Variants in APC observed in about 807,000 individuals in gnomAD.
The protein encoded by APC is APC regulator of Wnt signaling pathway.
Under a neutral mutation model 247.0 loss-of-function variants are expected in APC, and 72 were observed. The ratio of observed to expected loss-of-function variants is 0.29; its 90% CI spans 0.24 to 0.35. APC has a LOEUF of 0.35. APC is among the 10% of genes least tolerant of loss of function. The probability of loss-of-function intolerance (pLI) is 1.00; values close to 1 mark genes in which losing one functional copy is unlikely to be tolerated. For missense variants in APC, 3,400 were observed against 3,360.7 expected (o/e 1.01, Z -0.29); for synonymous variants, 1,254 against 1,162.5 (o/e 1.08, Z -1.60).
chr5:112,838,041 C>T lies in APC; in HGVS notation c.2447C>T (p.Thr816Ile), dbSNP rs1410017491. The T allele has an allele frequency of 6.2e-7, 1 of 1,614,154 alleles. No homozygotes were observed. Among genetic ancestry groups the T allele is most frequent in the South Asian group, 1.1e-5 (1 of 91,078 alleles). The change falls in exon 16 of 16, where the codon ACT (threonine) becomes ATT (isoleucine). Residue 816 changes from threonine to isoleucine, a missense_variant. Physicochemically the swap from Thr to Ile is moderately conservative, Grantham distance 89 (BLOSUM62 -1). Transcript: ENST00000257430. ...HDDNRSDNFNTGNMTVLSPYL... is the reference protein window; with the variant it reads ...HDDNRSDNFNIGNMTVLSPYL... ...GATAATAGGTCAGACAATTTTAATA[C>T]TGGCAACATGACTGTCCTTTCACCA...
At chr5:112,753,774 T>C (rs1217862025) in intron 1 of APC, among the ~76,000 whole-genome samples, 2 of 152,186 alleles carry the variant, frequency 1.3e-5, no homozygotes, top group Non-Finnish European at 2.9e-5. Flanking sequence ...ACAACCTGTC[T>C]GCCTTATTTT....
chr5:112,767,110 TTAAAA>T, intron 3 of APC, 74 bp from the exon 4 acceptor site: 2 of 1,222,542 alleles, frequency 1.6e-6, no homozygotes, highest in Non-Finnish European at 2.4e-6. Context: ...ATATTTCACT[TTAAAA>T]TAATATAACA....
chr5:112,783,426 A>G (rs1327469173), intron 6 of APC, among the ~76,000 whole-genome samples: 1 of 152,132 alleles, frequency 6.6e-6, no homozygotes, highest in Non-Finnish European at 1.5e-5. Flanking sequence ...AAGGCAAATA[A>G]TGGAAATGTT....
chr5:112,744,220 A>G (rs1381639688), intron 1 of APC, among the ~76,000 whole-genome samples: 2 of 152,160 alleles, frequency 1.3e-5, no homozygotes, highest in Non-Finnish European at 2.9e-5. Context: ...ATAATAAGAT[A>G]CCTAAATATG....
At chr5:112,820,210 C>CACAA in intron 10 of APC, among the ~76,000 whole-genome samples, 2 of 152,054 alleles carry the variant, frequency 1.3e-5, no homozygotes. Flanking sequence ...CACACACACA[C>CACAA]ACACACGTGC....
chr5:112,789,766 T>C (rs1191343566), intron 6 of APC, among the ~76,000 whole-genome samples: 1 of 152,348 alleles, frequency 6.6e-6, no homozygotes, highest in East Asian at 1.9e-4. Context: ...ATCTTTGCAA[T>C]ATCTTTAGAA....
intron 9 of APC, 97 bp from the exon 10 acceptor site, chr5:112,818,869 T>TTTGAGTTATAG: frequency 1.5e-6 from 2 of 1,376,290 alleles, no homozygotes; most frequent in East Asian, 2.3e-5. Context: ...TTTTGTTTTT[T>TTTGAGTTATAG]TAGAGTTATA....
chr5:112,792,171 G>A (rs1238885484), intron 6 of APC, among the ~76,000 whole-genome samples: 3 of 152,054 alleles, frequency 2.0e-5, no homozygotes, highest in South Asian at 2.1e-4. Context: ...ACTTGAACCC[G>A]GAAGGCGGAG....
intron 1 of APC, among the ~76,000 whole-genome samples, chr5:112,742,081 C>T (rs1315479139): frequency 2.0e-5 from 3 of 152,116 alleles, no homozygotes; most frequent in Non-Finnish European, 2.9e-5. Context: ...CTACTATGAA[C>T]GTGGGTGTGC....
intron 2 of APC, among the ~76,000 whole-genome samples, chr5:112,758,893 G>A (rs968381955): frequency 1.1e-4 from 16 of 152,114 alleles, no homozygotes; most frequent in South Asian, 2.1e-4. Flanking sequence ...ATGAGTCACC[G>A]CACCCAGCCT....
chr5:112,820,777 C>G (rs1763035743), intron 10 of APC, among the ~76,000 whole-genome samples: 4 of 152,140 alleles, frequency 2.6e-5, no homozygotes, highest in Admixed American at 2.0e-4. Flanking sequence ...TCTTAGTCAC[C>G]CTTTTAAAAA....
In APC at chr5:112,842,243, C is replaced by G. The variant is rs876660653; in HGVS notation, c.6649C>G (p.Leu2217Val). ...SEISGQMKQP[L>V]QANMPSISRG... ...AATTTCAGGCCAAATGAAACAGCCCCTTCAAGCAAACATGCCTTCAATCTC... is the reference window on the plus strand; with the variant it reads ...AATTTCAGGCCAAATGAAACAGCCCGTTCAAGCAAACATGCCTTCAATCTC... Residue 2217 changes from leucine to valine, a missense_variant, in exon 16 of 16, where the codon CTT becomes GTT. Leu to Val is a conservative substitution (Grantham distance 32). Transcript: ENST00000257430. 1.2e-6 allele frequency: 2 copies of G among 1,614,040 alleles called. No homozygotes were observed. The highest frequency in any genetic ancestry group is 1.1e-5 in the South Asian group (1 of 91,076).
At chr5:112,718,465 G>C (rs1018216773) in intron 1 of APC, among the ~76,000 whole-genome samples, 3 of 152,154 alleles carry the variant, frequency 2.0e-5, no homozygotes, top group Non-Finnish European at 4.4e-5. Flanking sequence ...GCCCTTTAGG[G>C]TCTCAGCCGG....
intron 1 of APC, among the ~76,000 whole-genome samples, chr5:112,723,502 C>CAT (rs1751600865): frequency 1.3e-5 from 2 of 151,856 alleles, no homozygotes; most frequent in South Asian, 2.1e-4. Context: ...TGGATGAAAA[C>CAT]ATATATATAT....
At chr5:112,789,857 A>ATT (rs71626674) in intron 6 of APC, among the ~76,000 whole-genome samples, 35 of 147,356 alleles carry the variant, frequency 2.4e-4, no homozygotes, top group South Asian at 8.6e-4. Context: ...CTTAAAGAAT[A>ATT]TTTTTTTTTT....
At chr5:112,764,337 T>G (rs1165245238) in intron 2 of APC, among the ~76,000 whole-genome samples, 7 of 151,950 alleles carry the variant, frequency 4.6e-5, no homozygotes, top group Non-Finnish European at 2.9e-5. Flanking sequence ...CTTGGGAAAT[T>G]ATTTTCATAG....
intron 14 of APC, among the ~76,000 whole-genome samples, chr5:112,831,177 C>T (rs919297547): frequency 1.3e-5 from 2 of 151,736 alleles, no homozygotes; most frequent in African/African-American, 4.8e-5. Flanking sequence ...GGCAGGATCT[C>T]GGCTAACTGC....
At chr5:112,780,609 A>T (rs1393850705) in intron 5 of APC, among the ~76,000 whole-genome samples, 181 bp from the exon 6 acceptor site, 1 of 152,188 alleles carries the variant, frequency 6.6e-6, no homozygotes, top group African/African-American at 2.4e-5. Flanking sequence ...AGGGATCCAG[A>T]TTGAGTCTGA....
In APC at chr5:112,841,888, T is replaced by G. The variant is rs1554087318; in HGVS notation, c.6294T>G (p.Asn2098Lys). 3 of 1,613,870 alleles carry G rather than the reference T, an allele frequency of 1.9e-6. No homozygotes were observed. The highest frequency in any genetic ancestry group is 1.7e-6 in the Non-Finnish European group (2 of 1,179,912). ...SEHGLSPDSE[N>K]FDWKAIQEGA... ...ATGGTCTATCCCCTGATTCAGAAAATTTTGATTGGAAAGCTATTCAGGAAG... is the reference window on the plus strand; with the variant it reads ...ATGGTCTATCCCCTGATTCAGAAAAGTTTGATTGGAAAGCTATTCAGGAAG... Residue 2098 changes from asparagine to lysine, a missense_variant, in exon 16 of 16, where the codon AAT becomes AAG. Transcript: ENST00000257430. The surrounding 1 kb of genome is among the most constrained non-coding windows in gnomAD (Gnocchi z 4.6).
Sources: allele counts gnomAD v4.1 joint callset (sites outside exome capture counted in the v4.1 genomes callset), GRCh38; gene constraint gnomAD v4.1.1; non-coding constraint Gnocchi (gnomAD v3.1); transcripts MANE v1.5; gene names NCBI Gene and HGNC (gene_info 2026-07-23, HGNC 2026-07-21).